MYT1L: variants seen among roughly 807,000 people sequenced by gnomAD.
The protein encoded by MYT1L is myelin transcription factor 1-like protein.
MYT1L carries 12 observed loss-of-function variants against 126.7 expected under a neutral mutation model. The ratio of observed to expected loss-of-function variants is 0.09; its 90% CI spans 0.06 to 0.15. MYT1L has a LOEUF of 0.15. MYT1L is among the 10% of genes least tolerant of loss of function. The pLI is 1.00. For synonymous variants in MYT1L, 541 were observed against 604.2 expected (o/e 0.90, Z 1.53); for missense variants, 979 against 1,585.2 (o/e 0.62, Z 6.49).
chr2:1,973,345 G>A (rs1484959148), intron 8 of MYT1L, among the ~76,000 whole-genome samples: 1 of 152,028 alleles, frequency 6.6e-6, no homozygotes, highest in Non-Finnish European at 1.5e-5. Flanking sequence ...GGAAATTTTA[G>A]GAAAAAGGAT....
At chr2:2,132,028 C>T (rs767023829) in intron 3 of MYT1L, among the ~76,000 whole-genome samples, 41 of 151,164 alleles carry the variant, frequency 2.7e-4, no homozygotes, top group Non-Finnish European at 5.2e-4. Context: ...CCCACCTCAG[C>T]CTCCGGAGTA....
chr2:2,075,091 C>A (rs1361734954), intron 3 of MYT1L, among the ~76,000 whole-genome samples: 1 of 152,164 alleles, frequency 6.6e-6, no homozygotes, highest in African/African-American at 2.4e-5. Context: ...TCCACACTCT[C>A]AACCACTCCC....
chr2:2,282,126 G>C (rs1003990166), intron 2 of MYT1L, among the ~76,000 whole-genome samples: 12 of 152,162 alleles, frequency 7.9e-5, no homozygotes, highest in Non-Finnish European at 1.6e-4. Context: ...TTCATACCAT[G>C]TATCAGAGAC....
intron 4 of MYT1L, among the ~76,000 whole-genome samples, chr2:2,025,556 C>T (rs1023395117): frequency 1.3e-5 from 2 of 152,144 alleles, no homozygotes; most frequent in Non-Finnish European, 2.9e-5. Context: ...GTGATATTCC[C>T]CCTCCACTGG....
intron 4 of MYT1L, among the ~76,000 whole-genome samples, chr2:2,028,569 T>TA (rs1263015499): frequency 2.0e-5 from 3 of 151,794 alleles, no homozygotes; most frequent in South Asian, 2.1e-4. Flanking sequence ...TAGAGGAAAT[T>TA]AAAAAAAATG....
intron 19 of MYT1L, among the ~76,000 whole-genome samples, chr2:1,843,137 A>G (rs1461407382): frequency 6.6e-6 from 1 of 152,186 alleles, no homozygotes; most frequent in Non-Finnish European, 1.5e-5. Flanking sequence ...GGGCTGGCCG[A>G]TGTCCCTGCC....
intron 5 of MYT1L, among the ~76,000 whole-genome samples, chr2:1,996,422 A>G (rs2061849638): frequency 6.7e-6 from 1 of 148,750 alleles, no homozygotes; most frequent in Non-Finnish European, 1.5e-5. Flanking sequence ...CACAGAACCG[A>G]GTATAGATGG....
At chr2:2,008,929 T>A (rs2063568855) in intron 4 of MYT1L, among the ~76,000 whole-genome samples, 1 of 152,204 alleles carries the variant, frequency 6.6e-6, no homozygotes, top group Non-Finnish European at 1.5e-5. Context: ...GCACGGTTTA[T>A]TGAAGGGACT....
intron 4 of MYT1L, among the ~76,000 whole-genome samples, chr2:2,030,659 T>C (rs1390195691): frequency 6.6e-6 from 1 of 152,208 alleles, no homozygotes; most frequent in Non-Finnish European, 1.5e-5. Flanking sequence ...TGTATATCCT[T>C]ACAAATTATG....
At chr2:2,070,446 T>C (rs2074465207) in intron 3 of MYT1L, among the ~76,000 whole-genome samples, 1 of 152,172 alleles carries the variant, frequency 6.6e-6, no homozygotes, top group Non-Finnish European at 1.5e-5. Context: ...AATGACTGAG[T>C]GCCCAAAGCA....
At chr2:2,280,768 T>G (rs547197119) in intron 2 of MYT1L, among the ~76,000 whole-genome samples, 7 of 152,262 alleles carry the variant, frequency 4.6e-5, no homozygotes, top group African/African-American at 1.7e-4. Context: ...AACCATAACC[T>G]GAGAGGCATC....
chr2:2,217,555 C>T (rs550669648), intron 2 of MYT1L, among the ~76,000 whole-genome samples: 18 of 151,670 alleles, frequency 1.2e-4, no homozygotes, highest in African/African-American at 4.4e-4. Context: ...TGCTGGCAGC[C>T]ACCCATAATC....
At chr2:2,246,652 G>A (rs931059975) in intron 2 of MYT1L, among the ~76,000 whole-genome samples, 1 of 152,106 alleles carries the variant, frequency 6.6e-6, no homozygotes, top group Non-Finnish European at 1.5e-5. Flanking sequence ...TATATACAAG[G>A]TAATTCACAA....
Position 2,080,018 on chromosome 2 carries a change from C to T in MYT1L, c.-303-25895G>A, listed in dbSNP as rs576683047. On this transcript the variant is annotated intron_variant, in intron 3 of 24. Coordinates refer to ENST00000647738, the MANE Select transcript of MYT1L (RefSeq NM_001303052.2). ...AATGGGGAATCTAAAAATAAACCAT[C>T]TCACTTATTGTCAACTGATTTTTGA... Among the ~76,000 whole-genome samples the T allele has an allele frequency of 4.6e-5, 7 of 152,220 alleles. No homozygotes were observed. The South Asian group carries it at 1.5e-3, about 32-fold the overall frequency.
At position 1,951,486 on chromosome 2, in the gene MYT1L, C is replaced by T. The variant is rs371400545; in HGVS notation, c.153-8152G>A. On this transcript the variant is annotated intron_variant, in intron 8 of 24. Transcript: ENST00000647738. ...CCCAGGAGACACAACCACAGACCTT[C>T]GGTCACATCCACAGGAAAGAGAGAA... Among the ~76,000 whole-genome samples the T allele has an allele frequency of 1.4e-4, 22 of 152,280 alleles. No individual in the cohort carries two copies. In the East Asian group the frequency reaches 1.7e-3, roughly 12 times the overall value.
At chr2:2,041,616 C>A (rs2067549568) in intron 4 of MYT1L, among the ~76,000 whole-genome samples, 1 of 152,192 alleles carries the variant, frequency 6.6e-6, no homozygotes, top group South Asian at 2.1e-4. Flanking sequence ...TCCCTCCCTG[C>A]AGAAGGAGCC....
Position 1,814,149 on chromosome 2 carries a change from C to T in MYT1L, c.3081-4982G>A, listed in dbSNP as rs538052502. Among the ~76,000 whole-genome samples, 7 of 152,242 alleles carry T rather than the reference C, an allele frequency of 4.6e-5. No individual in the cohort carries two copies. The South Asian group carries it at 1.5e-3, about 32-fold the overall frequency. On this transcript the variant is annotated intron_variant, in intron 21 of 24. Coordinates refer to ENST00000647738, the MANE Select transcript of MYT1L (RefSeq NM_001303052.2). The stretch of plus-strand genomic sequence containing the variant: ...GGCTCTTCTCACACGTGCTGCCTCC[C>T]GCTGTCCACTCACGAATTCCCCAGG...
At chr2:2,247,088 T>C (rs368159228) in intron 2 of MYT1L, among the ~76,000 whole-genome samples, 2 of 152,096 alleles carry the variant, frequency 1.3e-5, no homozygotes, top group East Asian at 3.9e-4. Context: ...AATCAAAAGA[T>C]AGAGAGTGGC....
intron 3 of MYT1L, among the ~76,000 whole-genome samples, chr2:2,069,711 C>G (rs979780095): frequency 1.3e-5 from 2 of 151,948 alleles, no homozygotes; most frequent in African/African-American, 2.4e-5. Flanking sequence ...GTTCCTGTTT[C>G]TTCACATCCT....
Sources: gnomAD v4.1 joint callset for allele counts (sites outside exome capture counted in the v4.1 genomes callset) on GRCh38, gnomAD v4.1.1 for gene constraint, MANE v1.5 for transcripts, NCBI Gene and HGNC (gene_info 2026-07-23, HGNC 2026-07-21) for gene names.